The following RANBP2 variants were observed in gnomAD, a reference collection of about 807,000 sequenced individuals.
RANBP2 encodes the protein RAN binding protein 2, also known as E3 SUMO-protein ligase RanBP2.
Under a neutral mutation model 303.6 loss-of-function variants are expected in RANBP2, and 57 were observed. The ratio of observed to expected loss-of-function variants is 0.19; its 90% CI spans 0.15 to 0.23. RANBP2 has a LOEUF of 0.23. Ranked by LOEUF, RANBP2 falls within the 10% of genes least tolerant of loss-of-function variation. The probability of loss-of-function intolerance (pLI) is 1.00; values close to 1 mark genes in which losing one functional copy is unlikely to be tolerated. For synonymous variants in RANBP2, 1,167 were observed against 1,301.5 expected (o/e 0.90, Z 2.23); for missense variants, 3,138 against 3,780.8 (o/e 0.83, Z 4.46).
At chr2:109,066,980 G>A in the RANBP2 span, among the ~76,000 whole-genome samples, 3 of 151,948 alleles carry the variant, frequency 2.0e-5, no homozygotes, top group African/African-American at 4.8e-5. Flanking sequence ...CGCACAAGAC[G>A]CAGACAGAAA....
At chr2:109,432,674 G>A in the RANBP2 span, 4 of 1,609,996 alleles carry the variant, frequency 2.5e-6, no homozygotes, top group South Asian at 2.2e-5. Context: ...GTTTCCAGGT[G>A]AGGGCATGGT....
the RANBP2 span, among the ~76,000 whole-genome samples, chr2:108,870,245 C>T: frequency 6.6e-6 from 1 of 152,104 alleles, no homozygotes; most frequent in African/African-American, 2.4e-5. Context: ...AGTTCAACAG[C>T]AGACTTGAAC....
At chr2:109,421,843 C>T in the RANBP2 span, among the ~76,000 whole-genome samples, 2 of 152,164 alleles carry the variant, frequency 1.3e-5, no homozygotes, top group Non-Finnish European at 2.9e-5. Flanking sequence ...GGTGATGGTC[C>T]GTTCCATGTG....
chr2:109,492,640 G>A, the RANBP2 span, among the ~76,000 whole-genome samples: 56 of 152,240 alleles, frequency 3.7e-4, no homozygotes, highest in Non-Finnish European at 7.6e-4. Context: ...TGAGGAAACC[G>A]AGGTTTTGTA....
At chr2:109,425,216 T>G in the RANBP2 span, among the ~76,000 whole-genome samples, 1 of 152,192 alleles carries the variant, frequency 6.6e-6, no homozygotes. Context: ...AGGAGGAAAG[T>G]TTGAAGCTAG....
the RANBP2 span, among the ~76,000 whole-genome samples, chr2:109,743,262 C>A: frequency 6.8e-6 from 1 of 146,152 alleles, no homozygotes; most frequent in Non-Finnish European, 1.5e-5. Flanking sequence ...CAGAGCAAGA[C>A]CCCATCTCAA....
At chr2:108,994,837 T>TTC in the RANBP2 span, among the ~76,000 whole-genome samples, 1 of 126,390 alleles carries the variant, frequency 7.9e-6, no homozygotes, top group African/African-American at 2.9e-5. Flanking sequence ...TATCTTTTTT[T>TTC]TTTTTTTTTT....
chr2:108,829,070 CATG>C, the RANBP2 span, among the ~76,000 whole-genome samples: 2 of 152,056 alleles, frequency 1.3e-5, no homozygotes, highest in Non-Finnish European at 2.9e-5. Context: ...GGAAAATCTT[CATG>C]ATATTAGATT....
At chr2:108,950,576 C>T in the RANBP2 span, among the ~76,000 whole-genome samples, 1 of 152,222 alleles carries the variant, frequency 6.6e-6, no homozygotes, top group Non-Finnish European at 1.5e-5. Flanking sequence ...GAAAGCTGGA[C>T]AGTGTGTGAC....
the RANBP2 span, among the ~76,000 whole-genome samples, chr2:109,468,855 GA>G: frequency 0.045 from 2,920 of 64,854 alleles, 104 homozygotes; most frequent in African/African-American, 0.12. Context: ...CTCTGTCTCA[GA>G]AAAAAAAAAA....
the RANBP2 span, among the ~76,000 whole-genome samples, chr2:109,659,622 T>G: frequency 3.9e-5 from 6 of 152,206 alleles, no homozygotes; most frequent in African/African-American, 1.4e-4. Flanking sequence ...AGGAAGATTT[T>G]GTCTGGCAGA....
At chr2:109,458,380 C>A in the RANBP2 span, among the ~76,000 whole-genome samples, 9 of 152,158 alleles carry the variant, frequency 5.9e-5, no homozygotes, top group African/African-American at 2.2e-4. Flanking sequence ...AGATTTATGG[C>A]TTCATCACCT....
the RANBP2 span, among the ~76,000 whole-genome samples, chr2:109,384,320 A>C: frequency 5.3e-5 from 8 of 152,214 alleles, no homozygotes; most frequent in African/African-American, 1.9e-4. Flanking sequence ...CCGTGGAGAA[A>C]GTAACACCAG....
the RANBP2 span, among the ~76,000 whole-genome samples, chr2:109,384,498 A>G: frequency 6.6e-6 from 1 of 151,012 alleles, no homozygotes; most frequent in Non-Finnish European, 1.5e-5. Flanking sequence ...AGGTGGGAGG[A>G]GAGGGGTTGG....
At position 108,764,010 on chromosome 2, in the gene RANBP2, T is replaced by G; in HGVS notation, c.3471T>G (p.Asp1157Glu). ...CAGCAAACAAGAATCATGAGACAGA[T>G]GGAGGAAGTGCCCATGGGGATGATG... is the stretch of plus-strand genomic sequence containing the variant. The part of the protein sequence containing the change: ...LETANKNHET[D>E]GGSAHGDDDD... Residue 1157 changes from aspartate (D) to glutamate (E), a missense_variant, in exon 20 of 29, where the codon GAT becomes GAG. Physicochemically the swap from Asp to Glu is conservative, Grantham distance 45. Around this residue, in one of 20 missense-constraint regions of RANBP2, gnomAD observed 403 missense variants for 376.7 expected, o/e 1.07. Transcript: ENST00000283195. 1.2e-6 allele frequency: 2 copies of G among 1,613,806 alleles called. No individual in the cohort carries two copies. Among genetic ancestry groups the G allele is most frequent in the Non-Finnish European group, 8.5e-7 (1 of 1,179,784 alleles).
At chr2:109,490,647 T>G in the RANBP2 span, 1 of 1,498,830 alleles carries the variant, frequency 6.7e-7, no homozygotes, top group Non-Finnish European at 8.9e-7. Flanking sequence ...AGCCGGAGCA[T>G]CCACCAAGAA....
chr2:109,663,627 A>G, the RANBP2 span, among the ~76,000 whole-genome samples: 1 of 152,224 alleles, frequency 6.6e-6, no homozygotes, highest in East Asian at 1.9e-4. Context: ...GCTGAAACTC[A>G]CAACTATATT....
At chr2:108,740,132 A>T (rs1695958032) in intron 6 of RANBP2, among the ~76,000 whole-genome samples, 1 of 152,230 alleles carries the variant, frequency 6.6e-6, no homozygotes. Context: ...TACAACTGTT[A>T]ATTAAATAAT....
chr2:108,757,064 A>C (rs966949326), intron 17 of RANBP2, among the ~76,000 whole-genome samples: 4 of 152,324 alleles, frequency 2.6e-5, no homozygotes, highest in East Asian at 1.9e-4. Context: ...CTTGTAGAAA[A>C]AGAAAGCAGA....
Sources: allele counts gnomAD v4.1 joint callset (sites outside exome capture counted in the v4.1 genomes callset), GRCh38; gene constraint gnomAD v4.1.1; regional missense constraint gnomAD v4.1.1; transcripts MANE v1.5; gene names NCBI Gene and HGNC (gene_info 2026-07-23, HGNC 2026-07-21).